The following STXBP3 variants were observed in gnomAD, a reference collection of about 807,000 sequenced individuals.
STXBP3 encodes the protein syntaxin binding protein 3.
STXBP3 carries 41 observed loss-of-function variants against 85.7 expected under a neutral mutation model. The observed-to-expected ratio is 0.48, with a 90% CI of 0.37 to 0.62. The LOEUF (loss-of-function observed/expected upper bound fraction) is 0.62, where lower values mean the gene tolerates loss of function less well. STXBP3 is among the 20% of genes least tolerant of loss of function. The probability of loss-of-function intolerance (pLI) is 0.00; values close to 1 mark genes in which losing one functional copy is unlikely to be tolerated. For synonymous variants in STXBP3, 229 were observed against 231.7 expected (o/e 0.99, Z 0.10); for missense variants, 563 against 703.1 (o/e 0.80, Z 2.25).
intron 11 of STXBP3, among the ~76,000 whole-genome samples, chr1:108,784,586 C>T (rs2358700): frequency 0.26 from 39,135 of 152,086 alleles, 5,432 homozygotes; most frequent in African/African-American, 0.33. Flanking sequence ...CATTCTGCCC[C>T]TGGTACCTCC....
intron 6 of STXBP3, among the ~76,000 whole-genome samples, chr1:108,772,174 C>CTATATATCATATATAAATACATATGA (rs2101116751): frequency 1.5e-5 from 1 of 67,170 alleles, no homozygotes; most frequent in Admixed American, 1.4e-4. Flanking sequence ...CATATGATAT[C>CTATATATCATATATAAATACATATGA]TATCTATATA....
intron 6 of STXBP3, among the ~76,000 whole-genome samples, chr1:108,764,537 C>T (rs1662216680): frequency 6.6e-6 from 1 of 152,156 alleles, no homozygotes. Flanking sequence ...GTTGCCTTTT[C>T]CCTGCGGCCT....
chr1:108,798,500 T>C (rs1371995373), intron 16 of STXBP3, among the ~76,000 whole-genome samples: 7 of 151,004 alleles, frequency 4.6e-5, no homozygotes, highest in Non-Finnish European at 8.9e-5. Context: ...ACTGCAACCT[T>C]CGCCTCCCAG....
chr1:108,747,280 A>G (rs1661811355), intron 1 of STXBP3, among the ~76,000 whole-genome samples: 1 of 152,174 alleles, frequency 6.6e-6, no homozygotes. Context: ...CGTGCTTTTC[A>G]AAAAACCTCA....
chr1:108,754,714 T>A (rs1661981907), intron 3 of STXBP3, among the ~76,000 whole-genome samples: 1 of 152,166 alleles, frequency 6.6e-6, no homozygotes, highest in African/African-American at 2.4e-5. Context: ...CAGCTTTCTT[T>A]AGGACTTAAG....
At position 108,791,774 on chromosome 1, in the gene STXBP3, C is replaced by G. The variant is rs376382459; in HGVS notation, c.964-1808C>G. On this transcript the variant is annotated intron_variant, in intron 11 of 18. Transcript: ENST00000370008. ...AGATAGAGAATAATGTCATCACCCC[C>G]CAAAATGTCCTCATGCCCGTTTGCA... is the stretch of plus-strand genomic sequence containing the variant. Among the ~76,000 whole-genome samples the G allele has an allele frequency of 1.4e-4, 21 of 152,242 alleles. No homozygotes were observed. The East Asian group carries it at 3.7e-3, about 27-fold the overall frequency.
chr1:108,760,204 A>G, intron 6 of STXBP3, 119 bp downstream of exon 6: 1 of 554,448 alleles, frequency 1.8e-6, no homozygotes, highest in African/African-American at 2.0e-5. Context: ...TTTTGAACCT[A>G]ATCCACAAAT....
chr1:108,785,528 A>G (rs1331211812), intron 11 of STXBP3, among the ~76,000 whole-genome samples: 1 of 151,688 alleles, frequency 6.6e-6, no homozygotes, highest in African/African-American at 2.4e-5. Flanking sequence ...GGGAGGGGCT[A>G]CCACGAAGGT....
At chr1:108,752,982 A>G in intron 2 of STXBP3, 81 bp from the exon 3 acceptor site, 1 of 1,087,674 alleles carries the variant, frequency 9.2e-7, no homozygotes, top group Non-Finnish European at 1.3e-6. Context: ...AAAGGCTTAT[A>G]AAGTTTAATG....
At chr1:108,790,309 C>T (rs1053677622) in intron 11 of STXBP3, among the ~76,000 whole-genome samples, 23 of 152,042 alleles carry the variant, frequency 1.5e-4, no homozygotes, top group Admixed American at 3.3e-4. Context: ...TTGAATTTGG[C>T]CTTTTATCAT....
intron 18 of STXBP3, among the ~76,000 whole-genome samples, chr1:108,808,415 C>T (rs1557818268): frequency 6.6e-6 from 1 of 152,176 alleles, no homozygotes; most frequent in South Asian, 2.1e-4. Flanking sequence ...CCCATGGAGG[C>T]GATGGATCTG....
chr1:108,779,540 C>T (rs1489551584), intron 9 of STXBP3, 130 bp downstream of exon 9: 1 of 929,214 alleles, frequency 1.1e-6, no homozygotes, highest in East Asian at 2.7e-5. Flanking sequence ...CTTTATCCTT[C>T]TCTTATTCCT....
intron 17 of STXBP3, among the ~76,000 whole-genome samples, chr1:108,806,939 G>C (rs1663349322): frequency 6.6e-6 from 1 of 151,110 alleles, no homozygotes; most frequent in South Asian, 2.1e-4. Flanking sequence ...TCATACTATG[G>C]TTAAGTCATT....
chr1:108,768,387 A>T (rs938534284), intron 6 of STXBP3, among the ~76,000 whole-genome samples: 1 of 152,204 alleles, frequency 6.6e-6, no homozygotes, highest in Non-Finnish European at 1.5e-5. Context: ...GGAATGAGCC[A>T]CTGCACCAGC....
intron 4 of STXBP3, among the ~76,000 whole-genome samples, chr1:108,757,586 T>A (rs1316182210): frequency 1.3e-5 from 2 of 151,998 alleles, no homozygotes; most frequent in South Asian, 2.1e-4. Flanking sequence ...GGATTTAAAA[T>A]ATATATATAT....
intron 6 of STXBP3, among the ~76,000 whole-genome samples, chr1:108,763,458 G>T (rs899168728): frequency 2.0e-5 from 3 of 152,132 alleles, no homozygotes; most frequent in African/African-American, 7.2e-5. Flanking sequence ...AACTGAAGCA[G>T]ATATTTATGA....
At chr1:108,762,881 T>A (rs1477961167) in intron 6 of STXBP3, among the ~76,000 whole-genome samples, 2 of 152,232 alleles carry the variant, frequency 1.3e-5, no homozygotes, top group African/African-American at 4.8e-5. Flanking sequence ...TAACTACTTT[T>A]GCCAAAATCC....
chr1:108,760,379 CA>C (rs996935048), intron 6 of STXBP3, among the ~76,000 whole-genome samples: 49 of 151,594 alleles, frequency 3.2e-4, no homozygotes, highest in African/African-American at 1.0e-3. Flanking sequence ...TAGATGACTC[CA>C]AAAAAAGTGT....
chr1:108,767,555 GA>G, intron 6 of STXBP3: 2 of 164,396 alleles, frequency 1.2e-5, no homozygotes, highest in Non-Finnish European at 1.3e-5. Flanking sequence ...CCAGGTCAAA[GA>G]AAATGGCCTG....
Sources: gnomAD v4.1 joint callset for allele counts (sites outside exome capture counted in the v4.1 genomes callset) on GRCh38, gnomAD v4.1.1 for gene constraint, MANE v1.5 for transcripts, NCBI Gene and HGNC (gene_info 2026-07-23, HGNC 2026-07-21) for gene names.